Variants in OR2M4 observed in about 807,000 individuals in gnomAD.
The protein encoded by OR2M4 is olfactory receptor 2M4.
In OR2M4, 8 loss-of-function variants were observed where a neutral mutation model predicts 13.7. That is an observed-to-expected ratio of 0.58 (90% CI 0.34 to 1.05). The LOEUF (loss-of-function observed/expected upper bound fraction) is 1.05, where lower values mean the gene tolerates loss of function less well. Among genes scored for constraint, OR2M4 ranks in the 50% least tolerant of loss-of-function variants. OR2M4 has a pLI of 0.02. For synonymous variants in OR2M4, 152 were observed against 141.3 expected (o/e 1.08, Z -0.53); for missense variants, 374 against 381.6 (o/e 0.98, Z 0.17).
intron 1 of OR2M4, among the ~76,000 whole-genome samples, chr1:248,232,500 T>C (rs1657999669): frequency 6.6e-6 from 1 of 152,122 alleles, no homozygotes; most frequent in Non-Finnish European, 1.5e-5. Flanking sequence ...TTTATTTCTA[T>C]TTTAGCTCTA....
intron 1 of OR2M4, among the ~76,000 whole-genome samples, chr1:248,235,232 G>C (rs1310455229): frequency 6.6e-6 from 1 of 152,086 alleles, no homozygotes; most frequent in African/African-American, 2.4e-5. Context: ...TGGCTAGCCA[G>C]TTTTCCCAGC....
rs956774310 is a variant in OR2M4 at position 248,239,716 on chromosome 1, C to A, written c.788C>A (p.Ala263Asp). The A allele has an allele frequency of 1.2e-6, 2 of 1,613,972 alleles. No homozygotes were observed. Among genetic ancestry groups the A allele is most frequent in the African/African-American group, 2.7e-5 (2 of 74,886 alleles). ...GCTATGTTCATGTACATGAGACCAG[C>A]TTCTAAACATACGCCAGACCAGGAC... ...GAAMFMYMRP[A>D]SKHTPDQDKM... is the part of the protein sequence containing the mutation. Residue 263 changes from alanine (A) to aspartate (D), a missense_variant, in exon 2 of 2, where the codon GCT becomes GAT. Physicochemically the swap from Ala to Asp is moderately radical, Grantham distance 126. Coordinates refer to ENST00000641868, the MANE Select transcript of OR2M4 (RefSeq NM_017504.2).
In OR2M4 at chr1:248,238,996, C is replaced by G. The variant is rs778044350; in HGVS notation, c.68C>G (p.Thr23Ser). ...ILLGIFNHSP[T>S]HTFLFSLVLG... ...CTGGGAATCTTCAATCACAGTCCCACCCACACCTTCCTTTTTTCTCTGGTC... is the reference window on the plus strand; with the variant it reads ...CTGGGAATCTTCAATCACAGTCCCAGCCACACCTTCCTTTTTTCTCTGGTC... Residue 23 changes from threonine (T) to serine (S), a missense_variant, in exon 2 of 2, where the codon ACC becomes AGC. Coordinates refer to ENST00000641868, the MANE Select transcript of OR2M4 (RefSeq NM_017504.2). 7 of 1,613,848 alleles carry G rather than the reference C, an allele frequency of 4.3e-6. No homozygotes were observed.
At chr1:248,234,257 C>G (rs909121973) in intron 1 of OR2M4, among the ~76,000 whole-genome samples, 2 of 151,868 alleles carry the variant, frequency 1.3e-5, no homozygotes, top group Non-Finnish European at 2.9e-5. Context: ...TTCTGCCCAT[C>G]TTGAACTGGG....
Position 248,239,792 on chromosome 1 carries a change from C to A in OR2M4, c.864C>A (p.Leu288=). The change falls in exon 2 of 2, where the codon CTC becomes CTA. Residue 288 remains leucine, a synonymous_variant. Transcript: ENST00000641868. ...YTILTPMLNP[L]IYSLRNKEVF... Reference sequence around the variant, plus strand: ...TTCTCACCCCTATGCTGAACCCTCTCATTTATAGCCTCCGCAACAAAGAAG... The same window carrying A: ...TTCTCACCCCTATGCTGAACCCTCTAATTTATAGCCTCCGCAACAAAGAAG... 1 of 1,614,078 alleles carries A rather than the reference C, an allele frequency of 6.2e-7. No individual in the cohort carries two copies. Among genetic ancestry groups the A allele is most frequent in the Non-Finnish European group, 8.5e-7 (1 of 1,180,004 alleles).
intron 1 of OR2M4, among the ~76,000 whole-genome samples, chr1:248,236,662 CT>C (rs1218729980): frequency 2.0e-5 from 3 of 151,884 alleles, no homozygotes; most frequent in South Asian, 2.1e-4. Flanking sequence ...ATAAAATAGA[CT>C]GCTGGCTAGG....
At chr1:248,236,343 A>C (rs1666556220) in intron 1 of OR2M4, among the ~76,000 whole-genome samples, 1 of 152,210 alleles carries the variant, frequency 6.6e-6, no homozygotes, top group Non-Finnish European at 1.5e-5. Context: ...GACAGAAATC[A>C]AGGAGTTCTT....
intron 1 of OR2M4, 36 bp from the exon 2 acceptor site, chr1:248,238,874 T>A: frequency 7.5e-7 from 1 of 1,337,146 alleles, no homozygotes; most frequent in Non-Finnish European, 1.0e-6. Flanking sequence ...AAAACTGAAT[T>A]GATAAATAAG....
rs892577615 is a variant in OR2M4, at chr1:248,240,009, T to C, written c.*145T>C. The stretch of plus-strand genomic sequence containing the variant: ...CAAAATTATCTATTCAGTATATTAT[T>C]ACATATACATCGTTTGTATACTAAG... On this transcript the variant is annotated 3_prime_UTR_variant, in exon 2 of 2. Transcript: ENST00000641868. The C allele has an allele frequency of 5.3e-6, 3 of 566,194 alleles. No homozygotes were observed. Among genetic ancestry groups the C allele is most frequent in the African/African-American group, 1.9e-5 (1 of 52,852 alleles). 35.1% of individuals were successfully genotyped at this position (566,194 alleles called of 1,614,324 possible). A position where few individuals can be genotyped will look rare whatever the true frequency, so the allele number is the denominator to read the frequency against.
At chr1:248,236,057 G>A (rs1666553723) in intron 1 of OR2M4, among the ~76,000 whole-genome samples, 2 of 151,956 alleles carry the variant, frequency 1.3e-5, no homozygotes, top group South Asian at 4.1e-4. Flanking sequence ...GTGAGAGAGG[G>A]TATCTACAGA....
chr1:248,236,395 G>A (rs1416450892), intron 1 of OR2M4, among the ~76,000 whole-genome samples: 1 of 152,112 alleles, frequency 6.6e-6, no homozygotes, highest in Non-Finnish European at 1.5e-5. Flanking sequence ...CAAAATCTCT[G>A]GGATGCAGCT....
intron 1 of OR2M4, 51 bp from the exon 2 acceptor site, chr1:248,238,859 G>A (rs2103022925): frequency 8.4e-7 from 1 of 1,196,774 alleles, no homozygotes; most frequent in African/African-American, 1.5e-5. Flanking sequence ...CACAGTATGT[G>A]TTTGAAAACT....
Position 248,239,271 on chromosome 1 carries a change from T to C in OR2M4, c.343T>C (p.Leu115=), listed in dbSNP as rs1332734251. The C allele has an allele frequency of 1.2e-6, 2 of 1,613,966 alleles. No homozygotes were observed. Among genetic ancestry groups the C allele is most frequent in the East Asian group, 2.2e-5 (1 of 44,882 alleles). Reference sequence around the variant, plus strand: ...CCTGCTTGGAGCTGAATGTTTCTTGTTGGCTGTCATGGCTTATGACCGCTA... The same window carrying C: ...CCTGCTTGGAGCTGAATGTTTCTTGCTGGCTGTCATGGCTTATGACCGCTA... ...VSLLGAECFL[L]AVMAYDRYVA... The change falls in exon 2 of 2, where the codon TTG becomes CTG. Residue 115 remains leucine (L), a synonymous_variant. Coordinates refer to ENST00000641868, the MANE Select transcript of OR2M4 (RefSeq NM_017504.2).
intron 1 of OR2M4, among the ~76,000 whole-genome samples, chr1:248,235,413 T>C (rs1474213709): frequency 1.3e-5 from 2 of 152,200 alleles, no homozygotes; most frequent in African/African-American, 4.8e-5. Flanking sequence ...TGTAGCCTTG[T>C]AGTAAAGTTT....
rs767136745 is a variant in OR2M4, at chr1:248,239,699, C to G, written c.771C>G (p.Phe257Leu). ...GACTCTACTACGGTGCTGCTATGTT[C>G]ATGTACATGAGACCAGCTTCTAAAC... ...VVGLYYGAAM[F>L]MYMRPASKHT... The change falls in exon 2 of 2, where the codon TTC becomes TTG. Residue 257 changes from phenylalanine (F) to leucine (L), a missense_variant. Transcript: ENST00000641868. 2 of 1,613,976 alleles carry G rather than the reference C, an allele frequency of 1.2e-6. No homozygotes were observed. The highest frequency in any genetic ancestry group is 2.7e-5 in the African/African-American group (2 of 74,878).
Position 248,239,800 on chromosome 1 carries a change from G to A in OR2M4, c.872G>A (p.Ser291Asn). 1 of 1,614,020 alleles carries A rather than the reference G, an allele frequency of 6.2e-7. No homozygotes were observed. The highest frequency in any genetic ancestry group is 2.2e-5 in the East Asian group (1 of 44,870). ...CCTATGCTGAACCCTCTCATTTATA[G>A]CCTCCGCAACAAAGAAGTGTTCAGG... ...LTPMLNPLIY[S>N]LRNKEVFRAL... The change falls in exon 2 of 2, where the codon AGC (serine) becomes AAC (asparagine). Residue 291 changes from serine (S) to asparagine (N), a missense_variant. Coordinates refer to ENST00000641868, the MANE Select transcript of OR2M4 (RefSeq NM_017504.2).
At chr1:248,234,864 T>A (rs936659746) in intron 1 of OR2M4, among the ~76,000 whole-genome samples, 1 of 151,934 alleles carries the variant, frequency 6.6e-6, no homozygotes, top group Non-Finnish European at 1.5e-5. Flanking sequence ...GGGGTTGTTT[T>A]TTCTTATAAA....
intron 1 of OR2M4, 61 bp from the exon 2 acceptor site, chr1:248,238,849 C>A: frequency 1.9e-6 from 2 of 1,070,054 alleles, no homozygotes; most frequent in South Asian, 1.5e-5. Context: ...TAGAGTATGT[C>A]ACAGTATGTG....
chr1:248,239,845 A>G lies in OR2M4; in HGVS notation c.917A>G (p.Lys306Arg). ...EVFRALQKVLKKRKLI is the reference protein window; with the variant it reads ...EVFRALQKVLRKRKLI The stretch of plus-strand genomic sequence containing the variant: ...TTCAGGGCACTACAGAAGGTACTGA[A>G]GAAAAGAAAGTTAATATGACCTTAT... The change falls in exon 2 of 2, where the codon AAG becomes AGG. Residue 306 changes from lysine (K) to arginine (R), a missense_variant. Coordinates refer to ENST00000641868, the MANE Select transcript of OR2M4 (RefSeq NM_017504.2). The G allele has an allele frequency of 6.3e-7, 1 of 1,597,170 alleles. No homozygotes were observed.
Sources: allele counts gnomAD v4.1 joint callset (sites outside exome capture counted in the v4.1 genomes callset), GRCh38; gene constraint gnomAD v4.1.1; transcripts MANE v1.5; gene names NCBI Gene and HGNC (gene_info 2026-07-23, HGNC 2026-07-21).